The following ANKRD50 variants were observed in gnomAD, a reference collection of about 807,000 sequenced individuals.
The protein encoded by ANKRD50 is ankyrin repeat domain 50, also known as ankyrin repeat domain-containing protein 50.
ANKRD50 carries 40 observed loss-of-function variants against 112.0 expected under a neutral mutation model. That is an observed-to-expected ratio of 0.36 (90% CI 0.28 to 0.46). The LOEUF is 0.46. ANKRD50 is among the 20% of genes least tolerant of loss of function. The pLI is 1.00. For missense variants in ANKRD50, 1,487 were observed against 1,701.7 expected (o/e 0.87, Z 2.22); for synonymous variants, 613 against 619.1 (o/e 0.99, Z 0.15).
intron 3 of ANKRD50, among the ~76,000 whole-genome samples, chr4:124,673,628 A>C (rs1730709162): frequency 6.6e-6 from 1 of 152,112 alleles, no homozygotes; most frequent in African/African-American, 2.4e-5. Flanking sequence ...TAAAGAGAGA[A>C]GGACGAGTCA....
intron 2 of ANKRD50, among the ~76,000 whole-genome samples, chr4:124,688,304 G>A (rs944393899): frequency 8.5e-5 from 13 of 152,116 alleles, no homozygotes; most frequent in African/African-American, 2.4e-4. Flanking sequence ...ATGACACATG[G>A]AAAAAGTAAA....
At chr4:124,673,951 A>G (rs1184884471) in intron 3 of ANKRD50, among the ~76,000 whole-genome samples, 1 of 152,040 alleles carries the variant, frequency 6.6e-6, no homozygotes. Context: ...AAATAATTTC[A>G]AAAGATAAAT....
intron 3 of ANKRD50, 88 bp from the exon 4 acceptor site, chr4:124,672,622 A>T (rs1198428927): frequency 2.3e-6 from 2 of 875,792 alleles, no homozygotes; most frequent in Non-Finnish European, 3.4e-6. Flanking sequence ...ACATATAATA[A>T]ATAAATCAAT....
At chr4:124,697,079 C>CT (rs1226270190) in intron 2 of ANKRD50, among the ~76,000 whole-genome samples, 1 of 152,042 alleles carries the variant, frequency 6.6e-6, no homozygotes, top group Non-Finnish European at 1.5e-5. Context: ...AAAGAGAAGA[C>CT]TAAGGGAGCA....
At chr4:124,692,640 A>C (rs1038307497) in intron 2 of ANKRD50, among the ~76,000 whole-genome samples, 1 of 152,130 alleles carries the variant, frequency 6.6e-6, no homozygotes, top group African/African-American at 2.4e-5. Context: ...TTAATGTTCT[A>C]TAAGAGACCC....
rs1730477972 is a variant in ANKRD50, at chr4:124,665,902, T to A, written c.*1616A>T. ...ATTTATCATAATTATACATTTCTAT[T>A]TCCACGAACAATGTATCACATGTGT... On this transcript the variant is annotated 3_prime_UTR_variant, in exon 5 of 5. Coordinates refer to ENST00000504087, the MANE Select transcript of ANKRD50 (RefSeq NM_020337.3). The A allele has an allele frequency of 6.6e-6, 1 of 152,242 alleles. No homozygotes were observed. The highest frequency in any genetic ancestry group is 1.5e-5 in the Non-Finnish European group (1 of 67,906). 9.4% of individuals were successfully genotyped at this position (152,242 alleles called of 1,614,324 possible).
At chr4:124,673,124 C>A (rs561770089) in intron 3 of ANKRD50, among the ~76,000 whole-genome samples, 2 of 152,032 alleles carry the variant, frequency 1.3e-5, no homozygotes, top group South Asian at 4.2e-4. Flanking sequence ...AATTAAGATC[C>A]AACTTTTTGG....
intron 4 of ANKRD50, among the ~76,000 whole-genome samples, chr4:124,668,413 A>G (rs1224979145): frequency 6.6e-6 from 1 of 152,094 alleles, no homozygotes; most frequent in Admixed American, 6.6e-5. Context: ...GTGAAAAGGA[A>G]TGAAATTAAT....
intron 3 of ANKRD50, among the ~76,000 whole-genome samples, chr4:124,675,428 T>C (rs1246782619): frequency 6.6e-6 from 1 of 151,740 alleles, no homozygotes; most frequent in African/African-American, 2.4e-5. Flanking sequence ...AATGCCAGCA[T>C]ATTAATATAC....
rs1578569670 is a variant in ANKRD50, at chr4:124,669,788, A to G, written c.3489T>C (p.Ser1163=). The G allele has an allele frequency of 6.2e-7, 1 of 1,613,276 alleles. No individual in the cohort carries two copies. The highest frequency in any genetic ancestry group is 8.5e-7 in the Non-Finnish European group (1 of 1,179,728). ...LPNGPTHAFS[S]PSESPDSTVD... ...CTGTAGAATCTGGAGATTCTGAAGG[A>G]GAACTAAAAGCATGAGTAGGCCCAT... The change falls in exon 4 of 5, where the codon TCT becomes TCC. Residue 1163 remains serine (S), a synonymous_variant. Coordinates refer to ENST00000504087, the MANE Select transcript of ANKRD50 (RefSeq NM_020337.3).
At chr4:124,699,413 C>T (rs979639702) in intron 2 of ANKRD50, among the ~76,000 whole-genome samples, 5 of 152,148 alleles carry the variant, frequency 3.3e-5, no homozygotes, top group Non-Finnish European at 7.4e-5. Flanking sequence ...ATTAATTTTT[C>T]CCTTTGAATT....
chr4:124,695,225 A>T (rs1725227507), intron 2 of ANKRD50, among the ~76,000 whole-genome samples: 3 of 152,152 alleles, frequency 2.0e-5, no homozygotes, highest in Non-Finnish European at 4.4e-5. Context: ...GGGCTTGTTG[A>T]AGCAAGAAGA....
At chr4:124,699,719 G>A (rs1405639615) in intron 2 of ANKRD50, among the ~76,000 whole-genome samples, 1 of 150,490 alleles carries the variant, frequency 6.6e-6, no homozygotes, top group Non-Finnish European at 1.5e-5. Context: ...ACCAAAATAG[G>A]GTTTAAAAGA....
chr4:124,683,059 C>CACAT (rs1356040661), intron 2 of ANKRD50, among the ~76,000 whole-genome samples: 2 of 151,612 alleles, frequency 1.3e-5, no homozygotes, highest in Non-Finnish European at 1.5e-5. Flanking sequence ...TATATACACA[C>CACAT]ACATACATAC....
chr4:124,665,694 GAATTC>G lies in ANKRD50; in HGVS notation c.*1819_*1823del, dbSNP rs1307179246. On this transcript the variant is annotated 3_prime_UTR_variant, in exon 5 of 5. Coordinates refer to ENST00000504087, the MANE Select transcript of ANKRD50 (RefSeq NM_020337.3). ...TTTAATAAATGTCCCATAGGGACAA[GAATTC>G]AATACTTGAAACATTCACATTTGAG... is the stretch of plus-strand genomic sequence containing the variant. 6.6e-6 allele frequency: 1 copy of G among 152,346 alleles called. No homozygotes were observed. The highest frequency in any genetic ancestry group is 2.4e-5 in the African/African-American group (1 of 41,416). 9.4% of individuals were successfully genotyped at this position (152,346 alleles called of 1,614,324 possible). A position where few individuals can be genotyped will look rare whatever the true frequency, so the allele number is the denominator to read the frequency against.
chr4:124,682,607 C>T (rs1180420767), intron 2 of ANKRD50, among the ~76,000 whole-genome samples: 1 of 152,012 alleles, frequency 6.6e-6, no homozygotes, highest in African/African-American at 2.4e-5. Context: ...TCTTAAGTAA[C>T]TGGCCCCTGT....
At position 124,670,861 on chromosome 4, in the gene ANKRD50, C is replaced by A. The variant is rs1191642703; in HGVS notation, c.2416G>T (p.Ala806Ser). ...VVNTLLFWGA[A>S]VDSIDSEGRT... ...CCTTCACTATCAATACTATCCACAG[C>A]TGCACCCCAAAACAAAAGTGTATTT... Residue 806 changes from alanine to serine, a missense_variant, in exon 4 of 5, where the codon GCT becomes TCT. Around this residue, in one of 2 missense-constraint regions of ANKRD50, gnomAD observed 1,046 missense variants for 1,269.5 expected, o/e 0.82. Transcript: ENST00000504087. 4.5e-5 allele frequency: 73 copies of A among 1,613,752 alleles called. No homozygotes were observed. The highest frequency in any genetic ancestry group is 6.1e-5 in the Non-Finnish European group (72 of 1,179,888).
At position 124,690,788 on chromosome 4, in the gene ANKRD50, T is replaced by C. The variant is rs1019320059; in HGVS notation, c.513-11883A>G. Among the ~76,000 whole-genome samples, 7 of 152,146 alleles carry C rather than the reference T, an allele frequency of 4.6e-5. No individual in the cohort carries two copies. In the East Asian group the frequency reaches 1.3e-3, roughly 29 times the overall value. ...TGTAAGTTTGGGGTGAACAGTACAATTATATTTCTTTAAGGCCACTGACTT... is the reference window on the plus strand; with the variant it reads ...TGTAAGTTTGGGGTGAACAGTACAACTATATTTCTTTAAGGCCACTGACTT... On this transcript the variant is annotated intron_variant, in intron 2 of 4. Coordinates refer to ENST00000504087, the MANE Select transcript of ANKRD50 (RefSeq NM_020337.3).
Position 124,678,668 on chromosome 4 carries a change from A to G in ANKRD50, c.742+8T>C, listed in dbSNP as rs1724798309. 1 of 1,606,732 alleles carries G rather than the reference A, an allele frequency of 6.2e-7. No individual in the cohort carries two copies. Among genetic ancestry groups the G allele is most frequent in the African/African-American group, 1.3e-5 (1 of 74,704 alleles). On this transcript the variant is annotated splice_region_variant and intron_variant, in intron 3 of 4. Coordinates refer to ENST00000504087, the MANE Select transcript of ANKRD50 (RefSeq NM_020337.3). ...CATTTAAGGATGGCAGTAAGTAATT[A>G]TGCTTACCAGTAAACATTTTAGTAA...
Sources: allele counts gnomAD v4.1 joint callset (sites outside exome capture counted in the v4.1 genomes callset), GRCh38; gene constraint gnomAD v4.1.1; regional missense constraint gnomAD v4.1.1; transcripts MANE v1.5; gene names NCBI Gene and HGNC (gene_info 2026-07-23, HGNC 2026-07-21).